PAPPA2: variants seen among roughly 807,000 people sequenced by gnomAD.
PAPPA2 encodes the protein pappalysin 2.
A neutral mutation model predicts 176.4 loss-of-function variants in PAPPA2; 86 were observed. The observed-to-expected ratio is 0.49, with a 90% CI of 0.41 to 0.58. The LOEUF (loss-of-function observed/expected upper bound fraction) is 0.58, where lower values mean the gene tolerates loss of function less well. PAPPA2 is among the 20% of genes least tolerant of loss of function. The probability of loss-of-function intolerance (pLI) is 0.00; values close to 1 mark genes in which losing one functional copy is unlikely to be tolerated. For synonymous variants in PAPPA2, 809 were observed against 852.2 expected (o/e 0.95, Z 0.88); for missense variants, 2,073 against 2,256.9 (o/e 0.92, Z 1.65).
intron 20 of PAPPA2, among the ~76,000 whole-genome samples, chr1:176,798,108 ATAAAT>A (rs1262381056): frequency 3.9e-5 from 6 of 152,252 alleles, no homozygotes; most frequent in African/African-American, 1.4e-4. Context: ...AGATGTCAGT[ATAAAT>A]TAATTAGTCT....
intron 3 of PAPPA2, chr1:176,616,785 G>T: frequency 1.1e-6 from 1 of 947,636 alleles, no homozygotes; most frequent in Non-Finnish European, 1.7e-6. Context: ...GTTCATTCGA[G>T]GTGTATTAAT....
intron 1 of PAPPA2, among the ~76,000 whole-genome samples, chr1:176,483,602 CT>C (rs1652511501): frequency 6.6e-6 from 1 of 151,060 alleles, no homozygotes; most frequent in Admixed American, 6.6e-5. Context: ...TCCTGAGTAG[CT>C]GGGAACACAT....
At chr1:176,553,881 T>C (rs1423573582) in intron 1 of PAPPA2, 1 of 152,222 alleles carries the variant, frequency 6.6e-6, no homozygotes, top group African/African-American at 2.4e-5. Flanking sequence ...TCTCTCTCTC[T>C]TTCTCTCTCT....
intron 8 of PAPPA2, 64 bp downstream of exon 8, chr1:176,699,653 C>G: frequency 6.6e-7 from 1 of 1,521,202 alleles, no homozygotes; most frequent in Non-Finnish European, 8.8e-7. Flanking sequence ...GTTACTTTTC[C>G]CCCACTTTTT....
chr1:176,840,069 A>C lies in PAPPA2; in HGVS notation c.5203-104A>C, dbSNP rs112565781. 4.5e-4 allele frequency: 409 copies of C among 903,064 alleles called. 1 individual carries two copies. In the African/African-American group the frequency reaches 5.9e-3, roughly 13 times the overall value. The allele number at this position is 903,064 out of a possible 1,614,324, so 55.9% of individuals were successfully genotyped here. ...CCTGCACCTTGGGTGCTTTTCTGTA[A>C]TATCTCTGGAGCTGTATGGATTACG... On this transcript the variant is annotated intron_variant, in intron 21 of 22. Coordinates refer to ENST00000367662, the MANE Select transcript of PAPPA2 (RefSeq NM_020318.3).
chr1:176,587,761 G>C (rs1185382276), intron 2 of PAPPA2, among the ~76,000 whole-genome samples: 1 of 152,160 alleles, frequency 6.6e-6, no homozygotes, highest in African/African-American at 2.4e-5. Flanking sequence ...GATTGTCTTG[G>C]CTATACAGGG....
chr1:176,671,783 T>C (rs1195017497), intron 4 of PAPPA2, among the ~76,000 whole-genome samples: 3 of 151,432 alleles, frequency 2.0e-5, no homozygotes, highest in African/African-American at 7.3e-5. Flanking sequence ...AAATTGGAAA[T>C]CATCATTCTC....
chr1:176,646,431 T>C (rs1657402723), intron 3 of PAPPA2, among the ~76,000 whole-genome samples: 1 of 151,056 alleles, frequency 6.6e-6, no homozygotes. Flanking sequence ...TATACTCTTT[T>C]AGTTATTTTT....
rs117945024 is a variant in PAPPA2 at position 176,499,903 on chromosome 1, A to G, written c.-917+36485A>G. On this transcript the variant is annotated intron_variant, in intron 1 of 22. Coordinates refer to ENST00000367662, the MANE Select transcript of PAPPA2 (RefSeq NM_020318.3). ...GGCTTGCAACATTTTCCTGGGTCTG[A>G]GTCGTGATGTGTCCCTCTGTGTGTA... Among the ~76,000 whole-genome samples the G allele has an allele frequency of 1.1e-3, 167 of 152,250 alleles. 4 individuals carry two copies. In the East Asian group the frequency reaches 0.03, roughly 27 times the overall value.
In PAPPA2 at chr1:176,656,783, T is replaced by C. The variant is rs1021092185; in HGVS notation, c.1992-14187T>C. ...TAATCTCCCTCTCTCTCTCTCTCTTTCACACACACACACACACACCAGAAG... is the reference window on the plus strand; with the variant it reads ...TAATCTCCCTCTCTCTCTCTCTCTTCCACACACACACACACACACCAGAAG... On this transcript the variant is annotated intron_variant, in intron 3 of 22. Transcript: ENST00000367662. Among the ~76,000 whole-genome samples, 24 of 150,038 alleles carry C rather than the reference T, an allele frequency of 1.6e-4. No homozygotes were observed. The East Asian group carries it at 4.3e-3, about 27-fold the overall frequency.
chr1:176,497,525 CA>C (rs1647696246), intron 1 of PAPPA2, among the ~76,000 whole-genome samples: 1 of 152,100 alleles, frequency 6.6e-6, no homozygotes, highest in Admixed American at 6.5e-5. Flanking sequence ...GGATCTTTTT[CA>C]AAACTGTATT....
chr1:176,678,928 C>T (rs1025500498), intron 4 of PAPPA2, among the ~76,000 whole-genome samples: 6 of 151,770 alleles, frequency 4.0e-5, no homozygotes, highest in African/African-American at 1.2e-4. Context: ...TGATTTTGAT[C>T]GGTAGAGATT....
At chr1:176,625,837 A>G (rs529142229) in intron 3 of PAPPA2, among the ~76,000 whole-genome samples, 88 of 152,284 alleles carry the variant, frequency 5.8e-4, no homozygotes, top group African/African-American at 1.9e-3. Context: ...CCTGGGCAAC[A>G]TGGCAAGATC....
intron 14 of PAPPA2, among the ~76,000 whole-genome samples, chr1:176,741,630 T>G (rs965491031): frequency 5.9e-5 from 9 of 152,166 alleles, no homozygotes; most frequent in Non-Finnish European, 1.2e-4. Context: ...GGCATGAATC[T>G]CTGGGGGCCA....
chr1:176,576,376 TA>T (rs1217487117), intron 2 of PAPPA2, among the ~76,000 whole-genome samples: 1 of 152,208 alleles, frequency 6.6e-6, no homozygotes, highest in African/African-American at 2.4e-5. Context: ...TTCCACCCTT[TA>T]CTTTTTTTTC....
chr1:176,702,486 T>C, intron 8 of PAPPA2, 121 bp from the exon 9 acceptor site: 1 of 1,390,062 alleles, frequency 7.2e-7, no homozygotes, highest in East Asian at 2.4e-5. Context: ...CAATGCAGCG[T>C]ATGTTTAACC....
In PAPPA2 at chr1:176,556,773, C is replaced by A. The variant is rs1651326228; in HGVS notation, c.451C>A (p.Gln151Lys). The change falls in exon 2 of 23, where the codon CAA becomes AAA. Residue 151 changes from glutamine (Q) to lysine (K), a missense_variant. Around this residue, in one of 4 missense-constraint regions of PAPPA2, gnomAD observed 1,196 missense variants for 1,330.4 expected, o/e 0.90. Coordinates refer to ENST00000367662, the MANE Select transcript of PAPPA2 (RefSeq NM_020318.3). ...AGATGATGACGCTTATCTCGGCAAT[C>A]AAAGATCCAAGGAGTCTCTAGGTGA... ...LGDDDAYLGN[Q>K]RSKESLGEAG... 10 of 1,614,074 alleles carry A rather than the reference C, an allele frequency of 6.2e-6. No individual in the cohort carries two copies. Among genetic ancestry groups the A allele is most frequent in the Non-Finnish European group, 8.5e-6 (10 of 1,180,000 alleles).
chr1:176,778,008 G>A (rs2102921426), intron 17 of PAPPA2, among the ~76,000 whole-genome samples: 1 of 150,402 alleles, frequency 6.6e-6, no homozygotes, highest in East Asian at 1.9e-4. Context: ...CCCATCTGTT[G>A]TTGGTTCCTA....
chr1:176,816,219 T>C (rs1666389273), intron 21 of PAPPA2, among the ~76,000 whole-genome samples: 1 of 88,728 alleles, frequency 1.1e-5, no homozygotes, highest in East Asian at 3.7e-4. Context: ...CACACATATA[T>C]AAAATTTATG....
Sources: allele counts gnomAD v4.1 joint callset (sites outside exome capture counted in the v4.1 genomes callset), GRCh38; gene constraint gnomAD v4.1.1; regional missense constraint gnomAD v4.1.1; transcripts MANE v1.5; gene names NCBI Gene and HGNC (gene_info 2026-07-23, HGNC 2026-07-21).